The following C10orf71 variants were observed in gnomAD, a reference collection of about 807,000 sequenced individuals.
The protein encoded by C10orf71 is cardiac-enriched FHL2-interacting protein.
For synonymous variants in C10orf71, 758 were observed against 726.3 expected (o/e 1.04, Z -0.70); for missense variants, 1,869 against 1,804.5 (o/e 1.04, Z -0.65).
intron 1 of C10orf71, among the ~76,000 whole-genome samples, chr10:49,302,857 G>A (rs182241746): frequency 1.2e-3 from 176 of 152,276 alleles, no homozygotes; most frequent in East Asian, 7.9e-3. Flanking sequence ...CTGTGGCTCA[G>A]AAGGGGCAAC....
intron 2 of C10orf71, among the ~76,000 whole-genome samples, chr10:49,318,130 G>A (rs1457035016): frequency 4.6e-5 from 7 of 152,224 alleles, no homozygotes; most frequent in Non-Finnish European, 1.5e-5. Flanking sequence ...GCAGTTTCTG[G>A]CTTCTTGTCT....
rs373152354 is a variant in C10orf71 at position 49,321,973 on chromosome 10, C to T, written c.-144-429C>T. 8.5e-5 allele frequency among the ~76,000 whole-genome samples: 13 copies of T among 152,236 alleles called. No homozygotes were observed. The East Asian group carries it at 1.7e-3, about 20-fold the overall frequency. On this transcript the variant is annotated intron_variant, in intron 2 of 2. Coordinates refer to ENST00000374144, the MANE Select transcript of C10orf71 (RefSeq NM_001135196.2). ...TTTCTCATGTATTTTGGAATATTAA[C>T]CCTTTATCAGATACACAGTTTGAAA... is the stretch of plus-strand genomic sequence containing the variant.
At position 49,324,188 on chromosome 10, in the gene C10orf71, T is replaced by A; in HGVS notation, c.1643T>A (p.Leu548His). 6.2e-7 allele frequency: 1 copy of A among 1,613,922 alleles called. No individual in the cohort carries two copies. Among genetic ancestry groups the A allele is most frequent in the South Asian group, 1.1e-5 (1 of 91,064 alleles). The change falls in exon 3 of 3, where the codon CTT (leucine) becomes CAT (histidine). Residue 548 changes from leucine (L) to histidine (H), a missense_variant. Physicochemically the swap from Leu to His is moderately conservative, Grantham distance 99. Transcript: ENST00000374144. The stretch of plus-strand genomic sequence containing the variant: ...AACGGTGTCATCCTCCCCAATGGGC[T>A]TGAGGAAAGCCCTCCAAATGAGCTT... ...VSNGVILPNG[L>H]EESPPNELSK...
intron 1 of C10orf71, among the ~76,000 whole-genome samples, chr10:49,306,221 C>T (rs1345155177): frequency 6.6e-6 from 1 of 152,228 alleles, no homozygotes; most frequent in East Asian, 1.9e-4. Context: ...GTTTGGCTGA[C>T]TCCAGCATCG....
chr10:49,318,979 GT>G (rs1849045015), intron 2 of C10orf71, among the ~76,000 whole-genome samples: 1 of 152,214 alleles, frequency 6.6e-6, no homozygotes, highest in Non-Finnish European at 1.5e-5. Context: ...AGCTCTGGCA[GT>G]GACTAAGGCC....
intron 1 of C10orf71, among the ~76,000 whole-genome samples, chr10:49,305,445 G>A (rs983185843): frequency 6.6e-6 from 1 of 152,194 alleles, no homozygotes; most frequent in Non-Finnish European, 1.5e-5. Flanking sequence ...TAATGAGGCT[G>A]TTGTGAATAC....
At chr10:49,300,717 G>C (rs1401532244) in intron 1 of C10orf71, among the ~76,000 whole-genome samples, 1 of 152,188 alleles carries the variant, frequency 6.6e-6, no homozygotes, top group Non-Finnish European at 1.5e-5. Context: ...TTATCGGGGT[G>C]ATTTATAAAT....
chr10:49,326,910 C>T lies in C10orf71; in HGVS notation c.*57C>T. On this transcript the variant is annotated 3_prime_UTR_variant, in exon 3 of 3. Coordinates refer to ENST00000374144, the MANE Select transcript of C10orf71 (RefSeq NM_001135196.2). ...AACCCAGAGGAGCTTACTTCCCCCT[C>T]CCCCAAAACAAGCAACACACACACA... 7.7e-7 allele frequency: 1 copy of T among 1,296,040 alleles called. No homozygotes were observed. Among genetic ancestry groups the T allele is most frequent in the Non-Finnish European group, 1.0e-6 (1 of 983,468 alleles). The allele number at this position is 1,296,040 out of a possible 1,614,324, so 80.3% of individuals were successfully genotyped here. A position where few individuals can be genotyped will look rare whatever the true frequency, so the allele number is the denominator to read the frequency against.
upstream of C10orf71, among the ~76,000 whole-genome samples, chr10:49,298,248 C>T (rs77920270): frequency 1.1e-4 from 17 of 152,342 alleles, no homozygotes; most frequent in East Asian, 2.7e-3. Context: ...AGGCTTTGAG[C>T]GCTGCACAGA....
chr10:49,301,347 C>T (rs991886346), intron 1 of C10orf71, among the ~76,000 whole-genome samples: 1 of 152,216 alleles, frequency 6.6e-6, no homozygotes, highest in Admixed American at 6.5e-5. Context: ...AGTCCATAGT[C>T]TTTATCTCAA....
intron 1 of C10orf71, among the ~76,000 whole-genome samples, chr10:49,301,484 C>T (rs1281235752): frequency 1.3e-5 from 2 of 152,152 alleles, no homozygotes; most frequent in African/African-American, 4.8e-5. Context: ...TCAGTGGAGG[C>T]CTATCAAGAC....
intron 1 of C10orf71, among the ~76,000 whole-genome samples, chr10:49,307,078 G>A (rs1235893739): frequency 1.3e-5 from 2 of 152,260 alleles, no homozygotes; most frequent in Admixed American, 6.5e-5. Flanking sequence ...GGGATAGGAA[G>A]ACAGGGTGAA....
At chr10:49,316,480 A>C (rs976233351) in intron 2 of C10orf71, among the ~76,000 whole-genome samples, 4 of 152,196 alleles carry the variant, frequency 2.6e-5, no homozygotes, top group African/African-American at 9.7e-5. Flanking sequence ...TATTTTCTGA[A>C]TGCTCTGAAG....
rs1046033025 is a variant in C10orf71, at chr10:49,325,486, G to A, written c.2941G>A (p.Val981Met). Residue 981 changes from valine (V) to methionine (M), a missense_variant, in exon 3 of 3, where the codon GTG (valine) becomes ATG (methionine). Val to Met is a conservative substitution (Grantham distance 21, BLOSUM62 1). Transcript: ENST00000374144. ...KAPPDAAPGLVASNCKSGSAD... is the reference protein window; with the variant it reads ...KAPPDAAPGLMASNCKSGSAD... The stretch of plus-strand genomic sequence containing the variant: ...ACCACCAGATGCTGCACCTGGCCTC[G>A]TGGCAAGCAATTGCAAGAGCGGTTC... The A allele has an allele frequency of 3.2e-5, 50 of 1,550,480 alleles. No homozygotes were observed. The highest frequency in any genetic ancestry group is 4.3e-5 in the Non-Finnish European group (49 of 1,146,210).
chr10:49,303,512 A>G (rs1238435481), intron 1 of C10orf71, among the ~76,000 whole-genome samples: 1 of 152,216 alleles, frequency 6.6e-6, no homozygotes, highest in Non-Finnish European at 1.5e-5. Flanking sequence ...TCTCAGGGCC[A>G]GCAGATCTCC....
At position 49,323,783 on chromosome 10, in the gene C10orf71, C is replaced by T; in HGVS notation, c.1238C>T (p.Thr413Ile). The change falls in exon 3 of 3, where the codon ACA becomes ATA. Residue 413 changes from threonine to isoleucine, a missense_variant. Physicochemically the swap from Thr to Ile is moderately conservative, Grantham distance 89. Coordinates refer to ENST00000374144, the MANE Select transcript of C10orf71 (RefSeq NM_001135196.2). ...QTNQRGPPLY[T>I]KHNPQEQFSE... ...AACCAGAGAGGCCCACCTTTGTATACAAAACACAACCCCCAGGAACAGTTT... is the reference window on the plus strand; with the variant it reads ...AACCAGAGAGGCCCACCTTTGTATATAAAACACAACCCCCAGGAACAGTTT... The T allele has an allele frequency of 1.2e-6, 2 of 1,613,962 alleles. No individual in the cohort carries two copies. Among genetic ancestry groups the T allele is most frequent in the Non-Finnish European group, 8.5e-7 (1 of 1,179,884 alleles).
In C10orf71 at chr10:49,324,300, A is replaced by C; in HGVS notation, c.1755A>C (p.Ala585=). 1 of 1,613,932 alleles carries C rather than the reference A, an allele frequency of 6.2e-7. No homozygotes were observed. Among genetic ancestry groups the C allele is most frequent in the Non-Finnish European group, 8.5e-7 (1 of 1,179,870 alleles). ...CAGCTGACCCCAGTGAGCCCTCTGC[A>C]GACAGCTATCTAACTCTTAGCACAG... ...DPTADPSEPS[A]DSYLTLSTAP... is the part of the protein sequence containing the mutation. Residue 585 remains alanine, a synonymous_variant, in exon 3 of 3, where the codon GCA becomes GCC. Coordinates refer to ENST00000374144, the MANE Select transcript of C10orf71 (RefSeq NM_001135196.2).
chr10:49,324,004 C>G lies in C10orf71; in HGVS notation c.1459C>G (p.Gln487Glu). ...CCAAGAGAAGGAGCCCAGTGAATGTCAGTCTCGAGACAGCTACAAGTCCAA... is the reference window on the plus strand; with the variant it reads ...CCAAGAGAAGGAGCCCAGTGAATGTGAGTCTCGAGACAGCTACAAGTCCAA... ...GYQEKEPSEC[Q>E]SRDSYKSKAP... is the part of the protein sequence containing the mutation. Residue 487 changes from glutamine to glutamate, a missense_variant, in exon 3 of 3, where the codon CAG (glutamine) becomes GAG (glutamate). Gln to Glu is a conservative substitution (Grantham distance 29, BLOSUM62 2). Transcript: ENST00000374144. 1.2e-6 allele frequency: 2 copies of G among 1,613,572 alleles called. No homozygotes were observed. Among genetic ancestry groups the G allele is most frequent in the Non-Finnish European group, 1.7e-6 (2 of 1,179,682 alleles).
rs527875412 is a variant in C10orf71 at position 49,299,635 on chromosome 10, G to T, written c.-248+402G>T. ...GTGTTGGGGCTAAGGTTCTTGGTGT[G>T]CTGGATGGGCCTCGGGGACCACGTA... On this transcript the variant is annotated intron_variant, in intron 1 of 2. Transcript: ENST00000374144. Among the ~76,000 whole-genome samples the T allele has an allele frequency of 1.6e-4, 25 of 152,306 alleles. 1 individual carries two copies. In the East Asian group the frequency reaches 4.6e-3, roughly 28 times the overall value.
Sources: allele counts gnomAD v4.1 joint callset (sites outside exome capture counted in the v4.1 genomes callset), GRCh38; gene constraint gnomAD v4.1.1; transcripts MANE v1.5; gene names NCBI Gene and HGNC (gene_info 2026-07-23, HGNC 2026-07-21).